Variants in RELN observed in about 807,000 individuals in gnomAD.
RELN encodes the protein reelin.
Under a neutral mutation model 427.6 loss-of-function variants are expected in RELN, and 108 were observed. The ratio of observed to expected loss-of-function variants is 0.25; its 90% CI spans 0.22 to 0.30. The LOEUF is 0.30. Ranked by LOEUF, RELN falls within the 10% of genes least tolerant of loss-of-function variation. The pLI, the probability that RELN is intolerant of heterozygous loss-of-function variation, is 1.00. For missense variants in RELN, 3,715 were observed against 4,302.8 expected, an observed-to-expected ratio of 0.86 and a Z score of 3.82; for synonymous variants, 1,524 against 1,513.4, an observed-to-expected ratio of 1.01 and a Z score of -0.16.
chr7:103,656,482 C>T (rs1362948773), intron 12 of RELN, among the ~76,000 whole-genome samples: 1 of 152,046 alleles, frequency 6.6e-6, no homozygotes. Context: ...GTTTAGCACA[C>T]ATTCTCACCC....
intron 3 of RELN, among the ~76,000 whole-genome samples, chr7:103,793,321 C>T (rs536463609): frequency 7.9e-5 from 12 of 152,300 alleles, no homozygotes; most frequent in African/African-American, 2.6e-4. Flanking sequence ...ACAACTCTTA[C>T]AAGTATATTC....
chr7:103,683,398 A>T (rs918638103), intron 10 of RELN, among the ~76,000 whole-genome samples: 1 of 152,222 alleles, frequency 6.6e-6, no homozygotes, highest in Non-Finnish European at 1.5e-5. Flanking sequence ...TTAAAAGAAG[A>T]TAAATTTATT....
At chr7:103,651,202 T>C (rs1042960336) in intron 15 of RELN, among the ~76,000 whole-genome samples, 2 of 152,130 alleles carry the variant, frequency 1.3e-5, no homozygotes, top group Non-Finnish European at 1.5e-5. Flanking sequence ...AAGTATTTTA[T>C]ATAATCATCT....
At chr7:103,502,891 T>C in intron 52 of RELN, 125 bp downstream of exon 52, 1 of 814,750 alleles carries the variant, frequency 1.2e-6, no homozygotes, top group South Asian at 1.5e-5. Flanking sequence ...AGAGAACCTT[T>C]AGAGTTAGGG....
chr7:103,639,698 C>G (rs1300230019), intron 17 of RELN, among the ~76,000 whole-genome samples: 1 of 152,072 alleles, frequency 6.6e-6, no homozygotes, highest in Non-Finnish European at 1.5e-5. Flanking sequence ...CATGCCCAGC[C>G]TACAATTTCT....
At chr7:103,680,048 G>A (rs1200801484) in intron 11 of RELN, among the ~76,000 whole-genome samples, 2 of 152,096 alleles carry the variant, frequency 1.3e-5, no homozygotes, top group South Asian at 2.1e-4. Flanking sequence ...AGAAGATGGG[G>A]GGCATTTTGG....
chr7:103,872,749 T>C (rs895874124), intron 2 of RELN, among the ~76,000 whole-genome samples: 3 of 149,072 alleles, frequency 2.0e-5, no homozygotes, highest in Admixed American at 6.7e-5. Context: ...TTTTAATGAT[T>C]GCCATTCTCA....
chr7:103,772,555 G>A (rs921486979), intron 4 of RELN, among the ~76,000 whole-genome samples: 5 of 152,132 alleles, frequency 3.3e-5, no homozygotes, highest in Non-Finnish European at 7.4e-5. Flanking sequence ...TATGTATGAG[G>A]GTTGTCTAGA....
At chr7:103,911,533 T>C (rs1227701051) in intron 2 of RELN, among the ~76,000 whole-genome samples, 11 of 149,032 alleles carry the variant, frequency 7.4e-5, no homozygotes, top group African/African-American at 2.0e-4. Context: ...TAAATCATGC[T>C]GCTATAAAGA....
At chr7:103,887,362 T>C (rs991007280) in intron 2 of RELN, among the ~76,000 whole-genome samples, 2 of 152,190 alleles carry the variant, frequency 1.3e-5, no homozygotes, top group African/African-American at 2.4e-5. Flanking sequence ...CGTCAAAGGA[T>C]GCAGAATGGA....
At chr7:103,545,074 A>G (rs192283882) in intron 42 of RELN, 50 bp downstream of exon 42, 808 of 1,414,248 alleles carry the variant, frequency 5.7e-4, no homozygotes, top group Non-Finnish European at 7.4e-4. Context: ...ATTGTGTTTA[A>G]CATATAAGTT....
At chr7:103,484,535 C>T (rs980899694) in intron 61 of RELN, 1 of 153,430 alleles carries the variant, frequency 6.5e-6, no homozygotes, top group African/African-American at 2.4e-5. Flanking sequence ...ATCGCCCTCA[C>T]ATCTGTGAAG....
At chr7:103,702,226 A>T (rs1834108878) in intron 8 of RELN, among the ~76,000 whole-genome samples, 1 of 152,368 alleles carries the variant, frequency 6.6e-6, no homozygotes, top group South Asian at 2.1e-4. Context: ...AAACTGTGCG[A>T]CTGGAAATGG....
chr7:103,876,352 G>T (rs76038341), intron 2 of RELN, among the ~76,000 whole-genome samples: 14,746 of 152,004 alleles, frequency 0.097, 923 homozygotes, highest in Non-Finnish European at 0.13. Context: ...GTAATTTGGG[G>T]GTTTATCATA....
chr7:103,955,026 T>C (rs1417563548), intron 1 of RELN, among the ~76,000 whole-genome samples: 1 of 152,218 alleles, frequency 6.6e-6, no homozygotes, highest in Admixed American at 6.5e-5. Context: ...ATTTGTTCAT[T>C]AAAAGCAGAA....
At chr7:103,856,387 T>C (rs754905843) in intron 2 of RELN, among the ~76,000 whole-genome samples, 19 of 151,262 alleles carry the variant, frequency 1.3e-4, no homozygotes, top group Non-Finnish European at 2.2e-4. Flanking sequence ...CTGACCAACA[T>C]GGTGAAACTC....
chr7:103,679,338 G>A (rs193230459), intron 11 of RELN, among the ~76,000 whole-genome samples: 8 of 152,298 alleles, frequency 5.3e-5, no homozygotes, highest in Admixed American at 3.3e-4. Flanking sequence ...GTAGCCTGAC[G>A]TCCTGGCCAA....
intron 1 of RELN, among the ~76,000 whole-genome samples, chr7:103,956,751 A>C (rs1471103362): frequency 6.6e-6 from 1 of 152,196 alleles, no homozygotes; most frequent in Non-Finnish European, 1.5e-5. Flanking sequence ...TGGATATGCT[A>C]AGGATGAAGC....
rs1831717721 is a variant in RELN, at chr7:103,603,204, G to A, written c.3333+100C>T. 1.4e-5 allele frequency: 14 copies of A among 989,020 alleles called. No individual in the cohort carries two copies. Among genetic ancestry groups the A allele is most frequent in the Non-Finnish European group, 1.8e-5 (11 of 614,198 alleles). The allele number at this position is 989,020 out of a possible 1,614,324, so 61.3% of individuals were successfully genotyped here. A position where few individuals can be genotyped will look rare whatever the true frequency, so the allele number is the denominator to read the frequency against. Reference sequence around the variant, plus strand: ...GAGCCCACTCAAAAGCGGGGAACGTGGGGAACAATAGAACCACTTCATATT... The same window carrying A: ...GAGCCCACTCAAAAGCGGGGAACGTAGGGAACAATAGAACCACTTCATATT... On this transcript the variant is annotated intron_variant, in intron 24 of 64. Coordinates refer to ENST00000428762, the MANE Select transcript of RELN (RefSeq NM_005045.4). This position sits in a 1 kb window ranked among gnomAD's most constrained non-coding sequence, Gnocchi z 4.3.
Sources: gnomAD v4.1 joint callset for allele counts (sites outside exome capture counted in the v4.1 genomes callset) on GRCh38, gnomAD v4.1.1 for gene constraint, Gnocchi (gnomAD v3.1) non-coding constraint, MANE v1.5 for transcripts, NCBI Gene and HGNC (gene_info 2026-07-23, HGNC 2026-07-21) for gene names.